Variants in CRACR2A observed in about 807,000 individuals in gnomAD.
CRACR2A encodes the protein EF-hand calcium-binding domain-containing protein 4B.
CRACR2A carries 79 observed loss-of-function variants against 90.5 expected under a neutral mutation model. The ratio of observed to expected loss-of-function variants is 0.87; its 90% CI spans 0.73 to 1.05. The LOEUF is 1.05. Ranked by LOEUF, CRACR2A falls within the 50% of genes least tolerant of loss-of-function variation. CRACR2A has a pLI of 0.00. For synonymous variants in CRACR2A, 338 were observed against 356.7 expected (o/e 0.95, Z 0.59); for missense variants, 823 against 897.2 (o/e 0.92, Z 1.06).
chr12:3,666,358 T>C (rs866409107), intron 7 of CRACR2A, among the ~76,000 whole-genome samples: 5,884 of 148,484 alleles, frequency 0.04, 161 homozygotes, highest in Middle Eastern at 0.052. Context: ...TGTGTGTGCG[T>C]GCGTGTGCGC....
At chr12:3,685,129 A>G (rs1170018097) in intron 4 of CRACR2A, among the ~76,000 whole-genome samples, 2 of 152,250 alleles carry the variant, frequency 1.3e-5, no homozygotes, top group African/African-American at 2.4e-5. Context: ...AACATGACAC[A>G]TTGCCATATG....
chr12:3,692,690 AG>A (rs1011764295), intron 4 of CRACR2A, among the ~76,000 whole-genome samples: 6 of 152,148 alleles, frequency 3.9e-5, no homozygotes, highest in African/African-American at 1.4e-4. Flanking sequence ...TGGCTGCAGC[AG>A]GGTGCCAGTG....
chr12:3,751,009 T>A (rs1353366290), intron 1 of CRACR2A, among the ~76,000 whole-genome samples: 1 of 152,194 alleles, frequency 6.6e-6, no homozygotes, highest in Non-Finnish European at 1.5e-5. Flanking sequence ...ATCATCTTGG[T>A]CTCTTCTGCT....
At chr12:3,643,212 T>C (rs1244498602) in intron 12 of CRACR2A, among the ~76,000 whole-genome samples, 3 of 152,226 alleles carry the variant, frequency 2.0e-5, no homozygotes, top group African/African-American at 7.2e-5. Context: ...AGATGTTTGC[T>C]GCCAGTCAGC....
intron 7 of CRACR2A, among the ~76,000 whole-genome samples, chr12:3,665,870 G>A (rs977573304): frequency 6.6e-6 from 1 of 152,170 alleles, no homozygotes; most frequent in African/African-American, 2.4e-5. Context: ...ATGACTCTGG[G>A]CAAAATATTT....
At chr12:3,686,557 A>G (rs2137648461) in intron 4 of CRACR2A, among the ~76,000 whole-genome samples, 1 of 152,268 alleles carries the variant, frequency 6.6e-6, no homozygotes, top group South Asian at 2.1e-4. Flanking sequence ...TTTCTCAGAG[A>G]GATCTCCTGC....
At chr12:3,731,265 G>A (rs1238958847) in intron 2 of CRACR2A, 1 of 152,324 alleles carries the variant, frequency 6.6e-6, no homozygotes, top group African/African-American at 2.4e-5. Context: ...GGGAAACTGA[G>A]GAGCTCCAGG....
At chr12:3,709,200 TA>T (rs1050702250) in intron 3 of CRACR2A, among the ~76,000 whole-genome samples, 2 of 152,208 alleles carry the variant, frequency 1.3e-5, no homozygotes, top group Non-Finnish European at 2.9e-5. Context: ...TCCCCAAAAA[TA>T]AAACTACTCT....
At chr12:3,630,206 C>A (rs1944355127) in intron 15 of CRACR2A, among the ~76,000 whole-genome samples, 1 of 152,110 alleles carries the variant, frequency 6.6e-6, no homozygotes, top group Non-Finnish European at 1.5e-5. Flanking sequence ...TCGAGGTGAC[C>A]CTTGATTGCA....
At chr12:3,700,404 G>C (rs1945817863) in intron 3 of CRACR2A, among the ~76,000 whole-genome samples, 1 of 152,178 alleles carries the variant, frequency 6.6e-6, no homozygotes, top group Non-Finnish European at 1.5e-5. Flanking sequence ...ATGGCACGGG[G>C]AGGGGAAACA....
At chr12:3,689,672 G>T (rs1945620116) in intron 4 of CRACR2A, among the ~76,000 whole-genome samples, 1 of 152,028 alleles carries the variant, frequency 6.6e-6, no homozygotes, top group Admixed American at 6.6e-5. Flanking sequence ...TTGTGTCTCT[G>T]CCAGGTTTTG....
chr12:3,721,091 T>C (rs1946163905), intron 2 of CRACR2A, among the ~76,000 whole-genome samples: 1 of 152,196 alleles, frequency 6.6e-6, no homozygotes, highest in Admixed American at 6.5e-5. Context: ...GAGTTTTAAA[T>C]AAGCAGCACG....
chr12:3,648,241 C>A, intron 11 of CRACR2A: 1 of 1,275,514 alleles, frequency 7.8e-7, no homozygotes, highest in Non-Finnish European at 9.9e-7. Context: ...CTCATTAAAC[C>A]CAGCTCTGCT....
chr12:3,680,799 A>C (rs964392119), intron 4 of CRACR2A, among the ~76,000 whole-genome samples: 3 of 152,238 alleles, frequency 2.0e-5, no homozygotes, highest in Admixed American at 1.3e-4. Context: ...AAAGGACTCA[A>C]ACTGTACAGG....
At chr12:3,620,077 T>C (rs1478828575) in intron 17 of CRACR2A, among the ~76,000 whole-genome samples, 1 of 152,202 alleles carries the variant, frequency 6.6e-6, no homozygotes, top group Non-Finnish European at 1.5e-5. Flanking sequence ...TTATTCAAGG[T>C]ATCACATTGT....
chr12:3,646,162 G>A (rs1271345597), intron 11 of CRACR2A, among the ~76,000 whole-genome samples: 3 of 152,242 alleles, frequency 2.0e-5, no homozygotes, highest in Admixed American at 1.3e-4. Flanking sequence ...TAAAGTAGGA[G>A]CAGTTGGGAA....
chr12:3,634,998 A>G (rs79223622), intron 14 of CRACR2A, among the ~76,000 whole-genome samples: 1 of 152,196 alleles, frequency 6.6e-6, no homozygotes, highest in African/African-American at 2.4e-5. Context: ...CTAAAACTCA[A>G]TGTATCAATC....
intron 6 of CRACR2A, among the ~76,000 whole-genome samples, chr12:3,674,817 T>C (rs867685461): frequency 6.6e-6 from 1 of 152,240 alleles, no homozygotes; most frequent in Non-Finnish European, 1.5e-5. Context: ...CAGTTCATTG[T>C]CTTCTCAAAG....
intron 5 of CRACR2A, among the ~76,000 whole-genome samples, chr12:3,679,631 A>G (rs1945410110): frequency 1.3e-5 from 2 of 152,250 alleles, no homozygotes; most frequent in Admixed American, 6.5e-5. Flanking sequence ...CAGGAAAGGC[A>G]TCAGATACTT....
Sources: allele counts gnomAD v4.1 joint callset (sites outside exome capture counted in the v4.1 genomes callset), GRCh38; gene constraint gnomAD v4.1.1; transcripts MANE v1.5; gene names NCBI Gene and HGNC (gene_info 2026-07-23, HGNC 2026-07-21).